Variants in TANC2 observed in about 807,000 individuals in gnomAD.
The protein encoded by TANC2 is protein TANC2.
TANC2 carries 26 observed loss-of-function variants against 210.5 expected under a neutral mutation model. That is an observed-to-expected ratio of 0.12 (90% CI 0.09 to 0.17). The LOEUF (loss-of-function observed/expected upper bound fraction) is 0.17, where lower values mean the gene tolerates loss of function less well. Among genes scored for constraint, TANC2 ranks in the 10% least tolerant of loss-of-function variants. The probability of loss-of-function intolerance (pLI) is 1.00; values close to 1 mark genes in which losing one functional copy is unlikely to be tolerated. For missense variants in TANC2, 2,129 were observed against 2,608.9 expected (o/e 0.82, Z 4.01); for synonymous variants, 931 against 967.1 (o/e 0.96, Z 0.69).
exon 11 of TANC2, chr17:63,319,045 A>T: frequency 1.2e-6 from 2 of 1,613,686 alleles, no homozygotes; most frequent in Non-Finnish European, 1.7e-6. Context: ...GAACTCCGGA[A>T]ATGCGCAGGC....
chr17:63,380,466 T>C (rs937260490), intron 15 of TANC2, among the ~76,000 whole-genome samples: 1 of 152,250 alleles, frequency 6.6e-6, no homozygotes, highest in African/African-American at 2.4e-5. Context: ...GGCATTAAAC[T>C]GGGTACTAGA....
chr17:63,077,832 T>C (rs1280559860), intron 3 of TANC2, among the ~76,000 whole-genome samples: 1 of 152,218 alleles, frequency 6.6e-6, no homozygotes, highest in Non-Finnish European at 1.5e-5. Flanking sequence ...TGGACTATTA[T>C]GATAGGAAAC....
chr17:63,017,321 G>A (rs1001026270), intron 2 of TANC2, among the ~76,000 whole-genome samples: 10 of 152,176 alleles, frequency 6.6e-5, no homozygotes, highest in African/African-American at 2.4e-4. Flanking sequence ...GATGAAGATA[G>A]TAGATATTTT....
chr17:63,389,004 A>G (rs2047875574), intron 16 of TANC2, among the ~76,000 whole-genome samples: 1 of 152,178 alleles, frequency 6.6e-6, no homozygotes, highest in Non-Finnish European at 1.5e-5. Context: ...CCAAAGAGTA[A>G]ATTGATCTCA....
At chr17:63,024,906 G>C (rs185478220) in intron 2 of TANC2, among the ~76,000 whole-genome samples, 6 of 152,322 alleles carry the variant, frequency 3.9e-5, no homozygotes, top group African/African-American at 1.2e-4. Flanking sequence ...TAGTGACTCA[G>C]ATGTAAGAGA....
chr17:63,200,813 A>G, exon 7 of TANC2: 2 of 1,613,806 alleles, frequency 1.2e-6, no homozygotes, highest in Non-Finnish European at 1.7e-6. Flanking sequence ...TTCCACTCTG[A>G]CTAGCAGCAC....
chr17:63,200,022 T>A (rs2041473153), intron 6 of TANC2, among the ~76,000 whole-genome samples: 1 of 152,194 alleles, frequency 6.6e-6, no homozygotes. Flanking sequence ...GAACTTTATT[T>A]CTTCCCAGCT....
chr17:63,121,457 A>G (rs1567740039), intron 4 of TANC2, among the ~76,000 whole-genome samples: 1 of 152,058 alleles, frequency 6.6e-6, no homozygotes, highest in Non-Finnish European at 1.5e-5. Context: ...ATTGGCCTAC[A>G]TCAGTGATTT....
chr17:63,160,814 T>C (rs2040000265), intron 5 of TANC2, among the ~76,000 whole-genome samples: 1 of 152,212 alleles, frequency 6.6e-6, no homozygotes, highest in African/African-American at 2.4e-5. Flanking sequence ...TTGATGAGTA[T>C]TGCTTTTGGC....
intron 5 of TANC2, among the ~76,000 whole-genome samples, chr17:63,168,673 CTA>C (rs2040297723): frequency 6.6e-6 from 1 of 152,190 alleles, no homozygotes; most frequent in Admixed American, 6.5e-5. Context: ...TTACCCCTAG[CTA>C]TGTGAGATAT....
intron 2 of TANC2, among the ~76,000 whole-genome samples, chr17:63,010,082 G>C (rs2030211316): frequency 6.6e-6 from 1 of 152,176 alleles, no homozygotes; most frequent in East Asian, 1.9e-4. Context: ...AGAACAAGGG[G>C]TTAAGTCTTA....
intron 4 of TANC2, among the ~76,000 whole-genome samples, chr17:63,106,014 CTAAT>C (rs2037810143): frequency 1.3e-5 from 2 of 151,624 alleles, no homozygotes; most frequent in Middle Eastern, 3.4e-3. Flanking sequence ...GAATAATAGA[CTAAT>C]TAAACTATTA....
chr17:63,037,746 G>A (rs2035029575), intron 2 of TANC2, among the ~76,000 whole-genome samples: 1 of 152,114 alleles, frequency 6.6e-6, no homozygotes, highest in South Asian at 2.1e-4. Flanking sequence ...CCTGGGAGGT[G>A]GAGGTTGCAG....
At chr17:63,119,141 AT>A (rs2038366280) in intron 4 of TANC2, among the ~76,000 whole-genome samples, 1 of 152,030 alleles carries the variant, frequency 6.6e-6, no homozygotes. Context: ...GCCTAGGCTG[AT>A]CTCAAACTTG....
intron 21 of TANC2, among the ~76,000 whole-genome samples, chr17:63,407,961 T>G (rs1182304314): frequency 6.6e-6 from 1 of 152,176 alleles, no homozygotes; most frequent in Non-Finnish European, 1.5e-5. Flanking sequence ...TATGTGGAAA[T>G]GGAAAAGGAC....
chr17:63,375,543 T>C (rs1450747550), intron 14 of TANC2, among the ~76,000 whole-genome samples: 1 of 152,170 alleles, frequency 6.6e-6, no homozygotes, highest in African/African-American at 2.4e-5. Flanking sequence ...GCCTAAAGCA[T>C]AGATAGTGGA....
chr17:63,405,205 C>T lies in TANC2; in HGVS notation c.3415C>T (p.Arg1139Cys), dbSNP rs545352608. Residue 1139 changes from arginine to cysteine, a missense_variant, in exon 20 of 28, where the codon CGC becomes TGC. Around this residue, in one of 5 missense-constraint regions of TANC2, gnomAD observed 644 missense variants for 937.5 expected, o/e 0.69. Coordinates refer to ENST00000689528, the Ensembl canonical transcript of TANC2. ...AGGGGCGGCAGTGGCCCAGCCAAAC[C>T]GCCGAGGAGCAGTGCCACTATTCAG... The T allele has an allele frequency of 8.7e-6, 14 of 1,609,742 alleles. No homozygotes were observed. Among genetic ancestry groups the T allele is most frequent in the South Asian group, 1.1e-5 (1 of 89,964 alleles).
chr17:63,029,131 G>C (rs910428482), intron 2 of TANC2, among the ~76,000 whole-genome samples: 1 of 152,064 alleles, frequency 6.6e-6, no homozygotes. Flanking sequence ...TATGCACCAT[G>C]TTAAGTACTT....
At chr17:63,301,849 A>G (rs2044727481) in intron 9 of TANC2, among the ~76,000 whole-genome samples, 1 of 151,996 alleles carries the variant, frequency 6.6e-6, no homozygotes, top group African/African-American at 2.4e-5. Flanking sequence ...TTGCTTCTCT[A>G]GCTCTTTTAA....
Sources: allele counts gnomAD v4.1 joint callset (sites outside exome capture counted in the v4.1 genomes callset), GRCh38; gene constraint gnomAD v4.1.1; regional missense constraint gnomAD v4.1.1; transcripts MANE v1.5; gene names NCBI Gene and HGNC (gene_info 2026-07-23, HGNC 2026-07-21).